RABGAP1L: variants seen among roughly 807,000 people sequenced by gnomAD.
RABGAP1L encodes rab GTPase-activating protein 1-like.
RABGAP1L carries 63 observed loss-of-function variants against 137.7 expected under a neutral mutation model. That is an observed-to-expected ratio of 0.46 (90% CI 0.37 to 0.56). The LOEUF (loss-of-function observed/expected upper bound fraction) is 0.56. Among genes scored for constraint, RABGAP1L ranks in the 20% least tolerant of loss-of-function variants. RABGAP1L has a pLI of 0.00. For missense variants in RABGAP1L, 1,095 were observed against 1,244.0 expected (o/e 0.88, Z 1.80); for synonymous variants, 431 against 433.7 (o/e 0.99, Z 0.08).
intron 1 of RABGAP1L, among the ~76,000 whole-genome samples, chr1:174,213,664 T>C (rs1396618785): frequency 3.9e-5 from 6 of 152,132 alleles, no homozygotes; most frequent in Admixed American, 2.6e-4. Context: ...GATGCAAATA[T>C]GGTTCAACAG....
chr1:174,379,489 A>T, intron 12 of RABGAP1L, among the ~76,000 whole-genome samples: 1 of 134,528 alleles, frequency 7.4e-6, no homozygotes, highest in Non-Finnish European at 1.6e-5. Flanking sequence ...GTTCTCCTTG[A>T]AGAGGTCCTT....
intron 10 of RABGAP1L, among the ~76,000 whole-genome samples, chr1:174,284,734 C>CTTTTT (rs59344382): frequency 5.6e-4 from 24 of 42,614 alleles, no homozygotes; most frequent in East Asian, 1.3e-3. Context: ...TATTTCTTGT[C>CTTTTT]TTTTTTTTTT....
chr1:174,582,245 C>T (rs981218372), intron 13 of RABGAP1L, among the ~76,000 whole-genome samples: 6 of 151,784 alleles, frequency 4.0e-5, no homozygotes, highest in African/African-American at 1.2e-4. Context: ...TGTGGTGGCA[C>T]GCTGCACTCC....
chr1:174,669,289 C>G, intron 14 of RABGAP1L, among the ~76,000 whole-genome samples: 1 of 152,124 alleles, frequency 6.6e-6, no homozygotes. Context: ...GAAACCGCTT[C>G]CCTGATTCAG....
At chr1:174,602,042 C>T (rs936167459) in intron 13 of RABGAP1L, among the ~76,000 whole-genome samples, 1 of 152,150 alleles carries the variant, frequency 6.6e-6, no homozygotes, top group Non-Finnish European at 1.5e-5. Context: ...CAAACTTTCC[C>T]ACATTTTCCC....
At chr1:174,612,381 C>T (rs1011260293) in intron 13 of RABGAP1L, among the ~76,000 whole-genome samples, 1 of 152,132 alleles carries the variant, frequency 6.6e-6, no homozygotes, top group Non-Finnish European at 1.5e-5. Context: ...TATATTGAAC[C>T]AGCCTTGCAT....
chr1:174,694,121 A>G (rs182432890), intron 15 of RABGAP1L, among the ~76,000 whole-genome samples: 13 of 152,344 alleles, frequency 8.5e-5, no homozygotes, highest in African/African-American at 2.2e-4. Flanking sequence ...CATCTACTTC[A>G]GTAATGTTAT....
chr1:174,211,676 C>G lies in RABGAP1L; in HGVS notation c.-33-7449C>G, dbSNP rs571386694. On this transcript the variant is annotated intron_variant, in intron 1 of 25. Coordinates refer to ENST00000681986, the MANE Select transcript of RABGAP1L (RefSeq NM_001366446.1). ...GATTAAACTCTCCAATGAAAGGATA[C>G]AGAGTAGTGGCTGAATGTATAAAAA... Among the ~76,000 whole-genome samples, 4 of 152,128 alleles carry G rather than the reference C, an allele frequency of 2.6e-5. No individual in the cohort carries two copies. In the South Asian group the frequency reaches 8.3e-4, roughly 32 times the overall value.
intron 1 of RABGAP1L, among the ~76,000 whole-genome samples, chr1:174,204,780 C>A (rs1232605626): frequency 1.3e-5 from 2 of 152,184 alleles, no homozygotes; most frequent in Non-Finnish European, 2.9e-5. Flanking sequence ...TGAGTTCTCA[C>A]AAGATCTGGT....
At chr1:174,240,899 T>A (rs1219156095) in intron 4 of RABGAP1L, among the ~76,000 whole-genome samples, 2 of 151,302 alleles carry the variant, frequency 1.3e-5, no homozygotes, top group African/African-American at 2.4e-5. Context: ...ATGAAGAAAT[T>A]GTGAGAAGAT....
intron 13 of RABGAP1L, among the ~76,000 whole-genome samples, chr1:174,598,326 CAAA>C (rs35838560): frequency 5.8e-5 from 4 of 68,688 alleles, no homozygotes; most frequent in African/African-American, 7.2e-5. Context: ...GACTCTGTCT[CAAA>C]AAAAAAAAAA....
intron 1 of RABGAP1L, among the ~76,000 whole-genome samples, chr1:174,184,383 G>A (rs1048781714): frequency 1.1e-4 from 16 of 152,144 alleles, no homozygotes; most frequent in African/African-American, 3.4e-4. Flanking sequence ...GTATGAATAC[G>A]TTTTCAACTC....
At chr1:174,167,515 T>C (rs1399983933) in intron 1 of RABGAP1L, among the ~76,000 whole-genome samples, 1 of 152,202 alleles carries the variant, frequency 6.6e-6, no homozygotes, top group Non-Finnish European at 1.5e-5. Context: ...CATGTGAGTA[T>C]TCACAAATAT....
Position 174,606,645 on chromosome 1 carries a change from AC to A in RABGAP1L, c.1711-30728del, listed in dbSNP as rs527368317. On this transcript the variant is annotated intron_variant, in intron 13 of 25. Transcript: ENST00000681986. ...GCCTTCATGTCTTTGGTAACCTCAG[AC>A]CAGTCTGGTATATCTTAATTTGATC... Among the ~76,000 whole-genome samples, 8 of 152,258 alleles carry A rather than the reference AC, an allele frequency of 5.3e-5. No homozygotes were observed. The East Asian group carries it at 1.5e-3, about 29-fold the overall frequency.
chr1:174,926,593 A>G (rs919407508), intron 19 of RABGAP1L, among the ~76,000 whole-genome samples: 1 of 151,382 alleles, frequency 6.6e-6, no homozygotes, highest in Admixed American at 6.6e-5. Flanking sequence ...TTGTAAATTA[A>G]TCTCGTATGT....
intron 15 of RABGAP1L, among the ~76,000 whole-genome samples, chr1:174,692,649 G>T (rs1678953904): frequency 1.3e-5 from 2 of 152,126 alleles, no homozygotes; most frequent in South Asian, 2.1e-4. Flanking sequence ...CATTTTAACA[G>T]AAAGATCTTA....
Position 174,712,882 on chromosome 1 carries a change from G to A in RABGAP1L, c.2169+10626G>A, listed in dbSNP as rs115666199. ...CTTGCTGGTGTGCTCTTCTGCTGGT[G>A]TGTGTTCCTCCCAACGTCCAGCCGC... is the stretch of plus-strand genomic sequence containing the variant. On this transcript the variant is annotated intron_variant, in intron 17 of 25. Transcript: ENST00000681986. 1.3e-3 allele frequency among the ~76,000 whole-genome samples: 193 copies of A among 152,290 alleles called. 1 individual carries two copies. The highest frequency in any genetic ancestry group is 4.6e-3 in the African/African-American group (191 of 41,554).
At position 174,498,260 on chromosome 1, in the gene RABGAP1L, A is replaced by G. The variant is rs539527722; in HGVS notation, c.1710+104115A>G. Among the ~76,000 whole-genome samples the G allele has an allele frequency of 2.0e-5, 3 of 152,294 alleles. No individual in the cohort carries two copies. The East Asian group carries it at 5.8e-4, about 29-fold the overall frequency. On this transcript the variant is annotated intron_variant, in intron 13 of 25. Coordinates refer to ENST00000681986, the MANE Select transcript of RABGAP1L (RefSeq NM_001366446.1). ...AACCTAACTACATATATTTATAGAA[A>G]TATGCATATGCTTCCATAAATATTA... is the stretch of plus-strand genomic sequence containing the variant.
intron 13 of RABGAP1L, among the ~76,000 whole-genome samples, chr1:174,555,792 A>C (rs1666840076): frequency 2.0e-5 from 3 of 152,152 alleles, no homozygotes; most frequent in Non-Finnish European, 2.9e-5. Context: ...TAGAGAACCG[A>C]GAGTGAAATT....
Sources: allele counts gnomAD v4.1 joint callset (sites outside exome capture counted in the v4.1 genomes callset), GRCh38; gene constraint gnomAD v4.1.1; transcripts MANE v1.5; gene names NCBI Gene and HGNC (gene_info 2026-07-23, HGNC 2026-07-21).